Variants in RPN1 observed in about 807,000 individuals in gnomAD.
The protein encoded by RPN1 is dolichyl-diphosphooligosaccharide--protein glycosyltransferase subunit 1.
RPN1 carries 12 observed loss-of-function variants against 55.5 expected under a neutral mutation model. The ratio of observed to expected loss-of-function variants is 0.22; its 90% CI spans 0.14 to 0.35. The LOEUF (loss-of-function observed/expected upper bound fraction) is 0.35. Ranked by LOEUF, RPN1 falls within the 10% of genes least tolerant of loss-of-function variation. The probability of loss-of-function intolerance (pLI) is 1.00; values close to 1 mark genes in which losing one functional copy is unlikely to be tolerated. For synonymous variants in RPN1, 317 were observed against 305.9 expected (o/e 1.04, Z -0.38); for missense variants, 679 against 761.3 (o/e 0.89, Z 1.27).
intron 3 of RPN1, among the ~76,000 whole-genome samples, chr3:128,635,306 A>T (rs1559755650): frequency 2.0e-5 from 3 of 146,656 alleles, no homozygotes; most frequent in East Asian, 2.0e-4. Flanking sequence ...ATTCTCTATT[A>T]TTTTTTTTTT....
intron 3 of RPN1, among the ~76,000 whole-genome samples, chr3:128,632,802 C>A (rs1441167329): frequency 6.6e-6 from 1 of 152,138 alleles, no homozygotes; most frequent in Non-Finnish European, 1.5e-5. Context: ...ACCATGTTGG[C>A]CAAGCTGGTC....
intron 2 of RPN1, among the ~76,000 whole-genome samples, chr3:128,641,355 TTTAA>T (rs1338559161): frequency 6.6e-6 from 1 of 152,140 alleles, no homozygotes. Context: ...AGCCCACGCC[TTTAA>T]TAATGGTTCA....
intron 2 of RPN1, among the ~76,000 whole-genome samples, chr3:128,639,776 G>A (rs2069711206): frequency 6.6e-6 from 1 of 151,772 alleles, no homozygotes; most frequent in African/African-American, 2.4e-5. Context: ...TTAGTACAGA[G>A]GGGATTTCGC....
chr3:128,632,927 A>C (rs1325869206), intron 3 of RPN1, among the ~76,000 whole-genome samples: 1 of 152,130 alleles, frequency 6.6e-6, no homozygotes, highest in African/African-American at 2.4e-5. Context: ...TCACTCTTCT[A>C]TGTGGTAAAT....
At chr3:128,645,168 T>C (rs2069757167) in intron 1 of RPN1, among the ~76,000 whole-genome samples, 185 bp from the exon 2 acceptor site, 1 of 152,134 alleles carries the variant, frequency 6.6e-6, no homozygotes, top group Non-Finnish European at 1.5e-5. Context: ...TGTCAAAGAC[T>C]TACTTTTACA....
chr3:128,635,612 G>GAT (rs112246211), intron 3 of RPN1, among the ~76,000 whole-genome samples: 85 of 125,698 alleles, frequency 6.8e-4, no homozygotes, highest in African/African-American at 1.5e-3. Flanking sequence ...TATAACTTGA[G>GAT]ATATATATAT....
chr3:128,650,135 G>C (rs1212141183), intron 1 of RPN1, among the ~76,000 whole-genome samples: 1 of 152,366 alleles, frequency 6.6e-6, no homozygotes. Flanking sequence ...ACCGGGCCGA[G>C]GGGCTGCCGC....
At chr3:128,647,693 GAA>G (rs1280379043) in intron 1 of RPN1, among the ~76,000 whole-genome samples, 6 of 67,990 alleles carry the variant, frequency 8.8e-5, no homozygotes, top group African/African-American at 1.2e-4. Context: ...CTTGCCTCAA[GAA>G]AAAAAAAAAA....
intron 1 of RPN1, among the ~76,000 whole-genome samples, chr3:128,645,949 T>C (rs530476683): frequency 9.9e-5 from 15 of 151,774 alleles, no homozygotes; most frequent in South Asian, 4.2e-4. Context: ...AGTGATGTAA[T>C]AGAAAAGTCT....
chr3:128,633,638 A>G lies in RPN1; in HGVS notation c.634-1481T>C, dbSNP rs147265245. Among the ~76,000 whole-genome samples, 705 of 152,262 alleles carry G rather than the reference A, an allele frequency of 4.6e-3. 11 individuals carry two copies. Among genetic ancestry groups the G allele is most frequent in the African/African-American group, 0.016 (668 of 41,546 alleles). On this transcript the variant is annotated intron_variant, in intron 3 of 9. Transcript: ENST00000296255. ...AGATGTATATTATAATATTAAATAG[A>G]AAAAAACTGTTTAACTATAGAAACT...
intron 5 of RPN1, among the ~76,000 whole-genome samples, chr3:128,627,983 C>T (rs924434911): frequency 5.6e-3 from 6 of 1,074 alleles, no homozygotes; most frequent in African/African-American, 0.016. Context: ...TCAGGCCGGG[C>T]GCGGTGGCTC....
chr3:128,638,091 G>A lies in RPN1; in HGVS notation c.341C>T (p.Thr114Ile). The A allele has an allele frequency of 6.2e-7, 1 of 1,611,872 alleles. No homozygotes were observed. Among genetic ancestry groups the A allele is most frequent in the South Asian group, 1.1e-5 (1 of 91,022 alleles). Reference protein sequence around the residue: ...KIKGKSGRFFTVKLPVALDPG... With the variant: ...KIKGKSGRFFIVKLPVALDPG... The stretch of plus-strand genomic sequence containing the variant: ...ATCAAGAGCAACTGGGAGCTTGACT[G>A]TGAAGAATCTCCCACTAAAGGAAGA... The change falls in exon 3 of 10, where the codon ACA (threonine) becomes ATA (isoleucine). Residue 114 changes from threonine to isoleucine, a missense_variant. Coordinates refer to ENST00000296255, the MANE Select transcript of RPN1 (RefSeq NM_002950.4).
At chr3:128,629,431 G>C (rs1169772421) in intron 5 of RPN1, among the ~76,000 whole-genome samples, 1 of 151,828 alleles carries the variant, frequency 6.6e-6, no homozygotes, top group Non-Finnish European at 1.5e-5. Context: ...GCGTGGTGGC[G>C]GGCACCTATA....
At chr3:128,624,005 G>GCACA (rs74281186) in intron 8 of RPN1, among the ~76,000 whole-genome samples, 54 of 148,012 alleles carry the variant, frequency 3.6e-4, no homozygotes, top group Admixed American at 2.2e-3. Context: ...ACACACACAC[G>GCACA]CACACACACA....
intron 1 of RPN1, among the ~76,000 whole-genome samples, chr3:128,649,343 T>A (rs994086509): frequency 9.9e-5 from 15 of 152,186 alleles, no homozygotes; most frequent in Non-Finnish European, 5.9e-5. Flanking sequence ...GCTCATTAAA[T>A]CACAACTGGC....
intron 1 of RPN1, among the ~76,000 whole-genome samples, chr3:128,646,972 C>CAA (rs111594217): frequency 1.6e-5 from 2 of 123,668 alleles, no homozygotes; most frequent in African/African-American, 3.0e-5. Context: ...GACTTCCTCT[C>CAA]AAAAAAAAAA....
intron 4 of RPN1, 87 bp from the exon 5 acceptor site, chr3:128,630,230 G>T: frequency 1.2e-6 from 1 of 822,418 alleles, no homozygotes; most frequent in Non-Finnish European, 1.9e-6. Flanking sequence ...CCTGCACCAA[G>T]ATCCTCACAT....
At position 128,630,041 on chromosome 3, in the gene RPN1, T is replaced by C; in HGVS notation, c.946A>G (p.Ile316Val). ...LILDDSVEMEIRPRFPLFGGW... is the reference protein window; with the variant it reads ...LILDDSVEMEVRPRFPLFGGW... ...CCAAAGAGAGGGAAGCGAGGCCGGA[T>C]TTCCATCTCTACAGAGTCATCCAAA... Residue 316 changes from isoleucine to valine, a missense_variant, in exon 5 of 10, where the codon ATC (isoleucine) becomes GTC (valine). Ile to Val is a conservative substitution (Grantham distance 29). This residue lies in a region of RPN1 where 21 missense variants were observed against 48.6 expected (regional missense o/e 0.43). Coordinates refer to ENST00000296255, the MANE Select transcript of RPN1 (RefSeq NM_002950.4). 4 of 1,613,682 alleles carry C rather than the reference T, an allele frequency of 2.5e-6. No homozygotes were observed. Among genetic ancestry groups the C allele is most frequent in the Middle Eastern group, 1.7e-4 (1 of 6,060 alleles).
chr3:128,648,905 C>A (rs946017623), intron 1 of RPN1, among the ~76,000 whole-genome samples: 1 of 152,152 alleles, frequency 6.6e-6, no homozygotes, highest in African/African-American at 2.4e-5. Flanking sequence ...ACTGTAAGAC[C>A]GCATGTAAGG....
Sources: allele counts gnomAD v4.1 joint callset (sites outside exome capture counted in the v4.1 genomes callset), GRCh38; gene constraint gnomAD v4.1.1; regional missense constraint gnomAD v4.1.1; transcripts MANE v1.5; gene names NCBI Gene and HGNC (gene_info 2026-07-23, HGNC 2026-07-21).